HSF2: variants seen among roughly 807,000 people sequenced by gnomAD.
The protein encoded by HSF2 is heat shock factor protein 2.
In HSF2, 21 loss-of-function variants were observed where a neutral mutation model predicts 65.0. The ratio of observed to expected loss-of-function variants is 0.32; its 90% confidence interval spans 0.23 to 0.47. The LOEUF is 0.47. Ranked by LOEUF, HSF2 falls within the 20% of genes least tolerant of loss-of-function variation. HSF2 has a pLI of 1.00. For missense variants in HSF2, 499 were observed against 628.1 expected (o/e 0.79, Z 2.20); for synonymous variants, 225 against 219.1 (o/e 1.03, Z -0.24).
chr6:122,401,248 C>A (rs982472955), intron 1 of HSF2, among the ~76,000 whole-genome samples: 3 of 152,114 alleles, frequency 2.0e-5, no homozygotes, highest in African/African-American at 7.2e-5. Flanking sequence ...CAGCCACTAG[C>A]ATGTACTTAA....
intron 1 of HSF2, among the ~76,000 whole-genome samples, chr6:122,405,796 G>A (rs1773857185): frequency 6.6e-6 from 1 of 152,280 alleles, no homozygotes; most frequent in South Asian, 2.1e-4. Flanking sequence ...GAGTTATGAT[G>A]TTATAATCTG....
At chr6:122,414,511 T>G (rs1774077781) in intron 4 of HSF2, among the ~76,000 whole-genome samples, 1 of 152,226 alleles carries the variant, frequency 6.6e-6, no homozygotes, top group Non-Finnish European at 1.5e-5. Context: ...ATGTATCTTG[T>G]GTATACTAGC....
At chr6:122,401,172 A>G (rs758231335) in intron 1 of HSF2, among the ~76,000 whole-genome samples, 7 of 152,180 alleles carry the variant, frequency 4.6e-5, no homozygotes, top group Non-Finnish European at 8.8e-5. Context: ...GGGGGGCGTG[A>G]GTGTTTCTAT....
Position 122,431,986 on chromosome 6 carries a change from T to C in HSF2, c.1377T>C (p.Ala459=). ...TTGCATTCCTCGATGGGAACCCTGC[T>C]TCTTCTGTTGAACAGGCGAGTACAA... ...PLLAFLDGNP[A]SSVEQASTTA... Residue 459 remains alanine, a synonymous_variant, in exon 13 of 13, where the codon GCT becomes GCC. Coordinates refer to ENST00000368455, the MANE Select transcript of HSF2 (RefSeq NM_004506.4). The C allele has an allele frequency of 6.2e-7, 1 of 1,614,146 alleles. No individual in the cohort carries two copies. The highest frequency in any genetic ancestry group is 2.2e-5 in the East Asian group (1 of 44,876).
At position 122,423,679 on chromosome 6, in the gene HSF2, T is replaced by C. The variant is rs1774284030; in HGVS notation, c.1169T>C (p.Leu390Pro). 1 of 1,591,556 alleles carries C rather than the reference T, an allele frequency of 6.3e-7. No individual in the cohort carries two copies. Among genetic ancestry groups the C allele is most frequent in the African/African-American group, 1.3e-5 (1 of 74,354 alleles). Residue 390 changes from leucine (L) to proline (P), a missense_variant, in exon 10 of 13, where the codon CTG (leucine) becomes CCG (proline). Physicochemically the swap from Leu to Pro is moderately conservative, Grantham distance 98 (BLOSUM62 -3). Around this residue, in one of 2 missense-constraint regions of HSF2, gnomAD observed 349 missense variants for 393.5 expected, o/e 0.89. Transcript: ENST00000368455. ...CAATTTAGCATAGACCCAGATCTCCTGGTTGATGTAGGTACTTTGGGTAAT... is the reference window on the plus strand; with the variant it reads ...CAATTTAGCATAGACCCAGATCTCCCGGTTGATGTAGGTACTTTGGGTAAT... ...GRQFSIDPDL[L>P]VDLFTSSVQM...
At chr6:122,408,754 A>G (rs1371267675) in intron 1 of HSF2, among the ~76,000 whole-genome samples, 2 of 151,880 alleles carry the variant, frequency 1.3e-5, no homozygotes, top group African/African-American at 4.8e-5. Context: ...AGTAGAAGCA[A>G]TTATCATGGC....
At chr6:122,405,311 G>A (rs924729858) in intron 1 of HSF2, among the ~76,000 whole-genome samples, 1 of 150,200 alleles carries the variant, frequency 6.7e-6, no homozygotes, top group African/African-American at 2.4e-5. Context: ...TATAATTTCA[G>A]TTAGTGATAA....
chr6:122,432,961 C>T lies in HSF2; in HGVS notation c.*741C>T, dbSNP rs1180187490. 1 of 152,044 alleles carries T rather than the reference C, an allele frequency of 6.6e-6. No individual in the cohort carries two copies. Among genetic ancestry groups the T allele is most frequent in the Non-Finnish European group, 1.5e-5 (1 of 68,014 alleles). 9.4% of individuals were successfully genotyped at this position (152,044 alleles called of 1,614,324 possible). On this transcript the variant is annotated 3_prime_UTR_variant, in exon 13 of 13. Coordinates refer to ENST00000368455, the MANE Select transcript of HSF2 (RefSeq NM_004506.4). ...AAATAAATACAATGAATGTTGAGTACTAGTGTCTGTTATGTGTCTTCTTTA... is the reference window on the plus strand; with the variant it reads ...AAATAAATACAATGAATGTTGAGTATTAGTGTCTGTTATGTGTCTTCTTTA...
chr6:122,406,495 A>C (rs151220693), intron 1 of HSF2, among the ~76,000 whole-genome samples: 5 of 152,294 alleles, frequency 3.3e-5, no homozygotes, highest in African/African-American at 1.2e-4. Context: ...TGAGGGGACC[A>C]GTTAGAAGAC....
chr6:122,413,678 A>T, intron 4 of HSF2, 29 bp downstream of exon 4: 1 of 1,570,012 alleles, frequency 6.4e-7, no homozygotes, highest in Non-Finnish European at 8.7e-7. Context: ...ATATAATTTT[A>T]ATCTGGGAAT....
intron 10 of HSF2, among the ~76,000 whole-genome samples, chr6:122,426,388 A>T (rs1281434691): frequency 6.6e-6 from 1 of 151,994 alleles, no homozygotes; most frequent in Non-Finnish European, 1.5e-5. Context: ...TCTCCTAGGA[A>T]TACATGTAGG....
intron 4 of HSF2, among the ~76,000 whole-genome samples, chr6:122,413,855 G>T (rs1237432842): frequency 6.6e-6 from 1 of 152,068 alleles, no homozygotes; most frequent in Non-Finnish European, 1.5e-5. Flanking sequence ...TTTTAATTAT[G>T]ATAGTCAGAA....
At chr6:122,419,285 T>G in intron 6 of HSF2, 56 bp downstream of exon 6, 2 of 804,838 alleles carry the variant, frequency 2.5e-6, no homozygotes, top group Non-Finnish European at 2.0e-6. Context: ...CACTTTTTAG[T>G]GTTTAACCAT....
At position 122,413,481 on chromosome 6, in the gene HSF2, G is replaced by A. The variant is rs755270980; in HGVS notation, c.331-44G>A. On this transcript the variant is annotated intron_variant, in intron 3 of 12. Transcript: ENST00000368455. ...AGGGAAGCTTTGAATTACAATCATG[G>A]GTGTTTACTGTTTCTTTGATTTTCT... is the stretch of plus-strand genomic sequence containing the variant. 2.8e-6 allele frequency: 4 copies of A among 1,419,744 alleles called. No individual in the cohort carries two copies. In the Admixed American group the frequency reaches 5.9e-5, roughly 21 times the overall value. 87.9% of individuals were successfully genotyped at this position (1,419,744 alleles called of 1,614,324 possible). A position where few individuals can be genotyped will look rare whatever the true frequency, so the allele number is the denominator to read the frequency against.
At chr6:122,400,108 C>G (rs1410960406) in intron 1 of HSF2, among the ~76,000 whole-genome samples, 1 of 152,144 alleles carries the variant, frequency 6.6e-6, no homozygotes, top group Non-Finnish European at 1.5e-5. Flanking sequence ...GTCCGGTCCG[C>G]GTTCGGAACC....
chr6:122,413,441 A>G (rs920670613), intron 3 of HSF2, 84 bp from the exon 4 acceptor site: 6 of 1,037,994 alleles, frequency 5.8e-6, no homozygotes, highest in African/African-American at 1.6e-5. Flanking sequence ...ACAGGCTACG[A>G]AAACCTCTTC....
chr6:122,422,301 AAGG>A lies in HSF2; in HGVS notation c.830+6_830+8del. The A allele has an allele frequency of 2.5e-6, 4 of 1,588,684 alleles. No homozygotes were observed. Among genetic ancestry groups the A allele is most frequent in the Non-Finnish European group, 2.6e-6 (3 of 1,161,484 alleles). The stretch of plus-strand genomic sequence containing the variant: ...GATGTTATATCTGATCCCTCCAAGT[AAGG>A]AGTTTGTGAGATAAAATGTATGAAA... On this transcript the variant is annotated splice_donor_5th_base_variant and intron_variant, in intron 8 of 12. Transcript: ENST00000368455.
At position 122,423,678 on chromosome 6, in the gene HSF2, C is replaced by T. The variant is rs1269514177; in HGVS notation, c.1168C>T (p.Leu390=). 1.3e-6 allele frequency: 2 copies of T among 1,592,104 alleles called. No homozygotes were observed. The highest frequency in any genetic ancestry group is 2.7e-5 in the African/African-American group (2 of 74,332). ...ACAATTTAGCATAGACCCAGATCTC[C>T]TGGTTGATGTAGGTACTTTGGGTAA... ...GRQFSIDPDL[L]VDLFTSSVQM... is the part of the protein sequence containing the mutation. Residue 390 remains leucine (L), a synonymous_variant, in exon 10 of 13, where the codon CTG becomes TTG. Transcript: ENST00000368455.
intron 1 of HSF2, among the ~76,000 whole-genome samples, chr6:122,407,105 C>T (rs572277420): frequency 1.2e-4 from 18 of 152,146 alleles, no homozygotes; most frequent in African/African-American, 4.3e-4. Flanking sequence ...AAGACAAAAG[C>T]CAGCAAAGGA....
Sources: allele counts gnomAD v4.1 joint callset (sites outside exome capture counted in the v4.1 genomes callset), GRCh38; gene constraint gnomAD v4.1.1; regional missense constraint gnomAD v4.1.1; transcripts MANE v1.5; gene names NCBI Gene and HGNC (gene_info 2026-07-23, HGNC 2026-07-21).